KIF6: variants seen among roughly 807,000 people sequenced by gnomAD.
KIF6 encodes the protein kinesin-like protein KIF6.
Under a neutral mutation model 112.7 loss-of-function variants are expected in KIF6, and 106 were observed. The observed-to-expected ratio is 0.94, with a 90% CI of 0.80 to 1.11. The LOEUF (loss-of-function observed/expected upper bound fraction) is 1.11, where lower values mean the gene tolerates loss of function less well. KIF6 is among the 50% of genes least tolerant of loss of function. The pLI is 0.00. For synonymous variants in KIF6, 339 were observed against 339.9 expected (o/e 1.00, Z 0.03); for missense variants, 929 against 964.0 (o/e 0.96, Z 0.48).
At chr6:39,526,830 G>A (rs995500902) in intron 13 of KIF6, among the ~76,000 whole-genome samples, 1 of 152,168 alleles carries the variant, frequency 6.6e-6, no homozygotes, top group South Asian at 2.1e-4. Context: ...CATTCATGAG[G>A]AAATGCAAAG....
rs1353304887 is a variant in KIF6, at chr6:39,634,907, C to T, written c.451G>A (p.Glu151Lys). The change falls in exon 5 of 23, where the codon GAA becomes AAA. Residue 151 changes from glutamate to lysine, a missense_variant. By Grantham distance (56) the Glu-to-Lys change is moderately conservative. Coordinates refer to ENST00000287152, the MANE Select transcript of KIF6 (RefSeq NM_145027.6). ...GGATCCAAAAGATCATAACCACATTCATTGTAGATTTCCAAATAGGAAATG... is the reference window on the plus strand; with the variant it reads ...GGATCCAAAAGATCATAACCACATTTATTGTAGATTTCCAAATAGGAAATG... The part of the protein sequence containing the change: ...THISYLEIYN[E>K]CGYDLLDPRH... 2 of 1,612,710 alleles carry T rather than the reference C, an allele frequency of 1.2e-6. No homozygotes were observed. The highest frequency in any genetic ancestry group is 1.3e-5 in the African/African-American group (1 of 74,934).
chr6:39,662,850 A>G (rs186497057), intron 3 of KIF6, among the ~76,000 whole-genome samples: 2 of 152,126 alleles, frequency 1.3e-5, no homozygotes, highest in East Asian at 1.9e-4. Context: ...ACGCGTCCAC[A>G]TGGAGTTGTT....
intron 5 of KIF6, among the ~76,000 whole-genome samples, chr6:39,632,720 G>A (rs1015271757): frequency 2.0e-5 from 3 of 152,148 alleles, no homozygotes; most frequent in Non-Finnish European, 4.4e-5. Context: ...TGCCTCCCGG[G>A]TTCAAGCGAT....
chr6:39,551,315 T>C (rs1270577813), intron 10 of KIF6, among the ~76,000 whole-genome samples: 2 of 152,026 alleles, frequency 1.3e-5, no homozygotes, highest in African/African-American at 2.4e-5. Context: ...AGATAAAGAA[T>C]AGAATAACAG....
intron 2 of KIF6, chr6:39,714,976 C>T: frequency 4.4e-6 from 2 of 456,986 alleles, no homozygotes; most frequent in Non-Finnish European, 7.8e-6. Context: ...ATTGCTTTGA[C>T]AAGATCTGCA....
At chr6:39,626,556 C>A (rs1784105364) in intron 5 of KIF6, among the ~76,000 whole-genome samples, 1 of 152,092 alleles carries the variant, frequency 6.6e-6, no homozygotes, top group South Asian at 2.1e-4. Flanking sequence ...TTTTGTCAAC[C>A]ATAAAACATG....
Position 39,409,805 on chromosome 6 carries a change from C to T in KIF6, c.1810+10143G>A, listed in dbSNP as rs567683436. Among the ~76,000 whole-genome samples the T allele has an allele frequency of 7.2e-5, 11 of 152,316 alleles. No individual in the cohort carries two copies. In the East Asian group the frequency reaches 1.3e-3, roughly 19 times the overall value. On this transcript the variant is annotated intron_variant, in intron 15 of 22. Transcript: ENST00000287152. ...CTCAGTGGATTTCAACAGGGGGACTCATCAGTGTTTCCAGAGTAGTTGACA... is the reference window on the plus strand; with the variant it reads ...CTCAGTGGATTTCAACAGGGGGACTTATCAGTGTTTCCAGAGTAGTTGACA...
chr6:39,442,753 G>C (rs186482498), intron 13 of KIF6, among the ~76,000 whole-genome samples: 6 of 152,184 alleles, frequency 3.9e-5, no homozygotes, highest in Non-Finnish European at 5.9e-5. Context: ...GCGTGTGTCT[G>C]AATTCTTTGT....
chr6:39,628,929 G>T (rs936874940), intron 5 of KIF6, among the ~76,000 whole-genome samples: 10 of 152,016 alleles, frequency 6.6e-5, no homozygotes, highest in Non-Finnish European at 1.0e-4. Flanking sequence ...GAATCATACA[G>T]TATGTAGACT....
chr6:39,479,015 T>C (rs531351292), intron 13 of KIF6, among the ~76,000 whole-genome samples: 80 of 152,164 alleles, frequency 5.3e-4, no homozygotes, highest in Non-Finnish European at 9.7e-4. Context: ...TTGTTGGATG[T>C]ATAGATTGTG....
intron 3 of KIF6, among the ~76,000 whole-genome samples, chr6:39,654,451 A>G (rs1785654293): frequency 6.6e-6 from 1 of 152,102 alleles, no homozygotes; most frequent in Non-Finnish European, 1.5e-5. Context: ...ACCTTTCTCC[A>G]TCAATTAACT....
intron 3 of KIF6, among the ~76,000 whole-genome samples, chr6:39,706,495 T>C (rs1228895356): frequency 6.6e-6 from 1 of 152,196 alleles, no homozygotes; most frequent in Non-Finnish European, 1.5e-5. Context: ...TAAGCTGATA[T>C]GTTAGTGTCC....
chr6:39,474,358 A>T (rs1581933423), intron 13 of KIF6, among the ~76,000 whole-genome samples: 1 of 152,174 alleles, frequency 6.6e-6, no homozygotes, highest in Non-Finnish European at 1.5e-5. Flanking sequence ...ATTTGTTAGG[A>T]TTGTCTTCAG....
intron 13 of KIF6, among the ~76,000 whole-genome samples, chr6:39,499,236 G>A (rs1244871807): frequency 1.3e-5 from 2 of 152,176 alleles, no homozygotes; most frequent in East Asian, 1.9e-4. Flanking sequence ...GAGAGCCAGG[G>A]CAGGATGACT....
chr6:39,610,681 C>A (rs1236855343), intron 6 of KIF6, among the ~76,000 whole-genome samples: 1 of 152,056 alleles, frequency 6.6e-6, no homozygotes, highest in Non-Finnish European at 1.5e-5. Context: ...GCTTTCATTG[C>A]TTTCAAGGTA....
At chr6:39,664,779 T>G (rs1786366852) in intron 3 of KIF6, among the ~76,000 whole-genome samples, 1 of 152,098 alleles carries the variant, frequency 6.6e-6, no homozygotes, top group Non-Finnish European at 1.5e-5. Flanking sequence ...TCAATCATAA[T>G]CCCCAAAGAT....
At chr6:39,692,886 C>T (rs1429319278) in intron 3 of KIF6, among the ~76,000 whole-genome samples, 1 of 152,006 alleles carries the variant, frequency 6.6e-6, no homozygotes, top group Non-Finnish European at 1.5e-5. Context: ...AAAAGCCTCA[C>T]TTTTAAAAGT....
chr6:39,670,166 C>T (rs1177754379), intron 3 of KIF6, among the ~76,000 whole-genome samples: 16 of 152,104 alleles, frequency 1.1e-4, no homozygotes, highest in South Asian at 2.1e-4. Context: ...CCTCAAAGAG[C>T]GTTTGGGGAA....
At chr6:39,491,754 G>C (rs777069912) in intron 13 of KIF6, among the ~76,000 whole-genome samples, 1 of 152,114 alleles carries the variant, frequency 6.6e-6, no homozygotes, top group Non-Finnish European at 1.5e-5. Context: ...AATACTACTT[G>C]AGCTGGAGGG....
Sources: allele counts gnomAD v4.1 joint callset (sites outside exome capture counted in the v4.1 genomes callset), GRCh38; gene constraint gnomAD v4.1.1; transcripts MANE v1.5; gene names NCBI Gene and HGNC (gene_info 2026-07-23, HGNC 2026-07-21).